Variants in LY96 observed in about 807,000 individuals in gnomAD.
LY96 encodes lymphocyte antigen 96, also known as myeloid differentiation protein-2.
Under a neutral mutation model 18.9 loss-of-function variants are expected in LY96, and 18 were observed. That is an observed-to-expected ratio of 0.95 (90% CI 0.66 to 1.41). The LOEUF is 1.41. Ranked by LOEUF, LY96 falls within the 40% of genes most tolerant of loss-of-function variation. The pLI, the probability that LY96 is intolerant of heterozygous loss-of-function variation, is 0.00. For missense variants in LY96, 175 were observed against 182.4 expected, an observed-to-expected ratio of 0.96 and a Z score of 0.23; for synonymous variants, 66 against 62.6, an observed-to-expected ratio of 1.06 and a Z score of -0.26.
At chr8:74,088,761 T>C in the LY96 span, among the ~76,000 whole-genome samples, 1 of 152,124 alleles carries the variant, frequency 6.6e-6, no homozygotes, top group East Asian at 1.9e-4. Flanking sequence ...AATTTTTGTA[T>C]TTTTAGTAGA....
At chr8:74,083,897 G>A in the LY96 span, among the ~76,000 whole-genome samples, 4 of 151,746 alleles carry the variant, frequency 2.6e-5, no homozygotes, top group Non-Finnish European at 5.9e-5. Flanking sequence ...ATGTTGTCGA[G>A]GCTTGTCTAG....
the LY96 span, among the ~76,000 whole-genome samples, chr8:74,085,919 C>T: frequency 1.3e-5 from 2 of 152,088 alleles, no homozygotes; most frequent in African/African-American, 4.8e-5. Context: ...GGTCTACTGT[C>T]AGCAAATTTC....
At chr8:74,006,086 G>GT (rs1486558648) in intron 2 of LY96, among the ~76,000 whole-genome samples, 2 of 152,092 alleles carry the variant, frequency 1.3e-5, no homozygotes, top group Non-Finnish European at 2.9e-5. Context: ...TGTTCAACCT[G>GT]TTTTTTTGAC....
At chr8:74,059,493 AATAG>A in the LY96 span, among the ~76,000 whole-genome samples, 1 of 152,376 alleles carries the variant, frequency 6.6e-6, no homozygotes, top group East Asian at 1.9e-4. Context: ...ACTGACACAG[AATAG>A]ATAATTAGAT....
chr8:74,070,170 C>A, the LY96 span, among the ~76,000 whole-genome samples: 2 of 151,838 alleles, frequency 1.3e-5, no homozygotes, highest in Non-Finnish European at 2.9e-5. Context: ...CGGCTCACTG[C>A]AAGCTCCGCC....
At chr8:74,046,255 G>A in the LY96 span, among the ~76,000 whole-genome samples, 3 of 152,116 alleles carry the variant, frequency 2.0e-5, no homozygotes, top group African/African-American at 7.2e-5. Context: ...CTCAGGCCTG[G>A]GTGACAGAGT....
intron 1 of LY96, among the ~76,000 whole-genome samples, chr8:73,994,060 C>T (rs1346622495): frequency 3.3e-5 from 5 of 152,060 alleles, no homozygotes; most frequent in Non-Finnish European, 5.9e-5. Context: ...TCTCAGCTCA[C>T]TGCAACCTCT....
chr8:74,082,058 C>T, the LY96 span, among the ~76,000 whole-genome samples: 1 of 152,334 alleles, frequency 6.6e-6, no homozygotes, highest in African/African-American at 2.4e-5. Context: ...TCCCTGCTTT[C>T]AATTATAGAA....
the LY96 span, among the ~76,000 whole-genome samples, chr8:74,085,743 A>G: frequency 6.6e-6 from 1 of 151,914 alleles, no homozygotes; most frequent in Non-Finnish European, 1.5e-5. Context: ...TTCCAACTTC[A>G]TTGCGGTATA....
At chr8:74,028,723 A>G (rs1452334280) in intron 4 of LY96, among the ~76,000 whole-genome samples, 1 of 152,220 alleles carries the variant, frequency 6.6e-6, no homozygotes, top group Non-Finnish European at 1.5e-5. Flanking sequence ...AATATCTAAT[A>G]TTTCAAAACC....
At chr8:73,997,177 G>A (rs13274369) in intron 1 of LY96, among the ~76,000 whole-genome samples, 1 of 152,194 alleles carries the variant, frequency 6.6e-6, no homozygotes, top group South Asian at 2.1e-4. Context: ...TTCTGTCTAA[G>A]TCTTCTCCAT....
chr8:74,014,380 TA>T (rs71269971), intron 3 of LY96, among the ~76,000 whole-genome samples: 4,557 of 112,268 alleles, frequency 0.041, 88 homozygotes, highest in Non-Finnish European at 0.059. Flanking sequence ...CTCCCTGACT[TA>T]AAAAAAAAAA....
chr8:74,062,859 G>T, the LY96 span, among the ~76,000 whole-genome samples: 3 of 152,108 alleles, frequency 2.0e-5, no homozygotes, highest in African/African-American at 7.2e-5. Flanking sequence ...GGACAGTCTG[G>T]CTCAGATCTT....
the LY96 span, among the ~76,000 whole-genome samples, chr8:74,044,920 A>G: frequency 6.6e-6 from 1 of 152,208 alleles, no homozygotes; most frequent in East Asian, 1.9e-4. Flanking sequence ...TTCGAAATGG[A>G]AAGTAGGTTT....
chr8:74,026,662 C>G, intron 3 of LY96, 127 bp from the exon 4 acceptor site: 1 of 668,672 alleles, frequency 1.5e-6, no homozygotes, highest in East Asian at 2.8e-5. Context: ...ATAAAAGATT[C>G]ATTATTTTTC....
chr8:74,050,838 C>T, the LY96 span, among the ~76,000 whole-genome samples: 2 of 152,048 alleles, frequency 1.3e-5, no homozygotes, highest in African/African-American at 4.8e-5. Context: ...CCTGGACCAA[C>T]GTGGTGAAAT....
intron 3 of LY96, among the ~76,000 whole-genome samples, chr8:74,022,648 A>C (rs28513078): frequency 0.32 from 46,697 of 145,858 alleles, 10,004 homozygotes; most frequent in African/African-American, 0.62. Context: ...GCGCAGTCTC[A>C]GCTCACTGCA....
chr8:74,026,654 A>G (rs1248153946), intron 3 of LY96, 135 bp from the exon 4 acceptor site: 1 of 660,232 alleles, frequency 1.5e-6, no homozygotes, highest in African/African-American at 1.8e-5. Context: ...GCCAGGGTAT[A>G]AAAGATTCAT....
chr8:74,052,256 T>TAAGAA, the LY96 span: 1 of 152,104 alleles, frequency 6.6e-6, no homozygotes, highest in Non-Finnish European at 1.5e-5. Context: ...CAACAGGGGC[T>TAAGAA]AAGAAAAGAA....
Sources: gnomAD v4.1 joint callset for allele counts (sites outside exome capture counted in the v4.1 genomes callset) on GRCh38, gnomAD v4.1.1 for gene constraint, MANE v1.5 for transcripts, NCBI Gene and HGNC (gene_info 2026-07-23, HGNC 2026-07-21) for gene names.